Variants in CTDP1 observed in about 807,000 individuals in gnomAD.
CTDP1 encodes the protein RNA polymerase II subunit A C-terminal domain phosphatase.
CTDP1 carries 47 observed loss-of-function variants against 91.8 expected under a neutral mutation model. The ratio of observed to expected loss-of-function variants is 0.51; its 90% CI spans 0.41 to 0.65. The LOEUF is 0.65. Ranked by LOEUF, CTDP1 falls within the 30% of genes least tolerant of loss-of-function variation. The pLI is 0.00. For missense variants in CTDP1, 1,272 were observed against 1,373.7 expected (o/e 0.93, Z 1.17); for synonymous variants, 656 against 598.5 (o/e 1.10, Z -1.40).
At chr18:79,756,583 A>G (rs891289364), downstream of CTDP1, 6 of 152,264 alleles carry the variant, frequency 3.9e-5, no homozygotes, top group Non-Finnish European at 7.3e-5. Flanking sequence ...ATACTGAATA[A>G]TTATACAACT....
chr18:79,679,869 G>T lies in CTDP1; in HGVS notation c.-79G>T. ...GAGGAACTACAGCGTCGCCGCCTGG[G>T]TTGTGTCGCCGCGGTAGGCGCTGCG... On this transcript the variant is annotated 5_prime_UTR_variant, in exon 1 of 13. Coordinates refer to ENST00000613122, the MANE Select transcript of CTDP1 (RefSeq NM_004715.5). The T allele has an allele frequency of 7.9e-7, 1 of 1,270,496 alleles. No individual in the cohort carries two copies. The highest frequency in any genetic ancestry group is 1.0e-6 in the Non-Finnish European group (1 of 981,756). The allele number at this position is 1,270,496 out of a possible 1,614,324, so 78.7% of individuals were successfully genotyped here. A position where few individuals can be genotyped will look rare whatever the true frequency, so the allele number is the denominator to read the frequency against.
intron 12 of CTDP1, among the ~76,000 whole-genome samples, chr18:79,736,861 G>T (rs1050588459): frequency 2.0e-5 from 3 of 148,940 alleles, no homozygotes; most frequent in Admixed American, 2.0e-4. Flanking sequence ...ACAGGCGTGT[G>T]TGAGGTATCT....
intron 1 of CTDP1, among the ~76,000 whole-genome samples, chr18:79,688,101 C>T (rs1442097779): frequency 1.3e-5 from 2 of 152,250 alleles, no homozygotes; most frequent in South Asian, 2.1e-4. Context: ...CAGAGCCCCA[C>T]CTGTGCGTGT....
intron 12 of CTDP1, among the ~76,000 whole-genome samples, chr18:79,739,806 G>A (rs112808623): frequency 0.066 from 8,495 of 129,370 alleles, 203 homozygotes; most frequent in African/African-American, 0.12. Flanking sequence ...ACCCACGGCC[G>A]GGACGGGTGG....
intron 1 of CTDP1, chr18:79,681,494 A>G (rs1476243357): frequency 2.0e-6 from 2 of 985,310 alleles, no homozygotes; most frequent in East Asian, 2.3e-4. Flanking sequence ...GATTGTACAG[A>G]AAGGGCTGCT....
chr18:79,684,486 ACCAG>A (rs1314247916), intron 1 of CTDP1, among the ~76,000 whole-genome samples: 2 of 152,188 alleles, frequency 1.3e-5, no homozygotes, highest in Non-Finnish European at 2.9e-5. Context: ...AAGCACCAGC[ACCAG>A]CCAGGCAGGG....
At chr18:79,737,730 G>A (rs1167184335) in intron 12 of CTDP1, among the ~76,000 whole-genome samples, 7 of 152,234 alleles carry the variant, frequency 4.6e-5, no homozygotes, top group South Asian at 2.1e-4. Context: ...TTTGGGTGCC[G>A]TCTGTTGATT....
chr18:79,715,980 T>G (rs1470571812), intron 8 of CTDP1, among the ~76,000 whole-genome samples: 2 of 152,194 alleles, frequency 1.3e-5, no homozygotes, highest in Non-Finnish European at 2.9e-5. Flanking sequence ...GCCTGCTGTC[T>G]CCCGACGGTG....
chr18:79,714,363 G>A, intron 7 of CTDP1, 128 bp from the exon 8 acceptor site: 4 of 1,074,144 alleles, frequency 3.7e-6, no homozygotes, highest in South Asian at 2.7e-5. Flanking sequence ...TCACAGCAAG[G>A]TTGCCAAGGC....
intron 6 of CTDP1, among the ~76,000 whole-genome samples, chr18:79,712,432 C>T (rs1234472799): frequency 6.6e-6 from 1 of 152,186 alleles, no homozygotes; most frequent in East Asian, 1.9e-4. Context: ...CGGGCGCACA[C>T]CCCCACACCT....
intron 1 of CTDP1, among the ~76,000 whole-genome samples, chr18:79,684,974 CT>C (rs1373300648): frequency 9.5e-4 from 138 of 144,784 alleles, no homozygotes; most frequent in Non-Finnish European, 1.1e-3. Flanking sequence ...CTCTGCGGTG[CT>C]CCTTACGGGG....
intron 1 of CTDP1, chr18:79,685,701 T>G (rs1322133675): frequency 6.6e-6 from 1 of 152,166 alleles, no homozygotes; most frequent in Non-Finnish European, 1.5e-5. Context: ...GTCCCCGAAT[T>G]TATTGTTCTG....
At chr18:79,683,656 C>T (rs2085422324) in intron 1 of CTDP1, among the ~76,000 whole-genome samples, 1 of 152,260 alleles carries the variant, frequency 6.6e-6, no homozygotes, top group Non-Finnish European at 1.5e-5. Context: ...CGTTGGAATT[C>T]TGGCTTGGGC....
intron 7 of CTDP1, among the ~76,000 whole-genome samples, 167 bp from the exon 8 acceptor site, chr18:79,714,324 G>A (rs2086148186): frequency 6.6e-6 from 1 of 152,198 alleles, no homozygotes; most frequent in African/African-American, 2.4e-5. Context: ...CGCACTTCAG[G>A]TAAGGGGTGC....
Position 79,736,532 on chromosome 18 carries a change from G to A in CTDP1, c.2747+11G>A. 1 of 1,530,092 alleles carries A rather than the reference G, an allele frequency of 6.5e-7. No individual in the cohort carries two copies. The highest frequency in any genetic ancestry group is 8.8e-7 in the Non-Finnish European group (1 of 1,135,108). 94.8% of individuals were successfully genotyped at this position (1,530,092 alleles called of 1,614,324 possible). A position where few individuals can be genotyped will look rare whatever the true frequency, so the allele number is the denominator to read the frequency against. On this transcript the variant is annotated intron_variant, in intron 12 of 12. Transcript: ENST00000613122. ...GGGCCGGGGGCCCAGGTGAGTGCGGGGTCTGAGGTGGGAGGGGCCTGACAC... is the reference window on the plus strand; with the variant it reads ...GGGCCGGGGGCCCAGGTGAGTGCGGAGTCTGAGGTGGGAGGGGCCTGACAC...
Position 79,697,769 on chromosome 18 carries a change from TG to T in CTDP1, c.493-90del, listed in dbSNP as rs2085777259. On this transcript the variant is annotated intron_variant, in intron 3 of 12. Transcript: ENST00000613122. The stretch of plus-strand genomic sequence containing the variant: ...CGTGGGGGGCTGGAGGGGAACACAT[TG>T]ATATAGTTTTGTGTTTCTCGATGAA... 7.0e-6 allele frequency: 11 copies of T among 1,560,740 alleles called. No homozygotes were observed. The East Asian group carries it at 2.0e-4, about 29-fold the overall frequency.
rs115858163 is a variant in CTDP1, at chr18:79,738,351, A to G, written c.2747+1830A>G. Among the ~76,000 whole-genome samples, 756 of 152,220 alleles carry G rather than the reference A, an allele frequency of 5.0e-3. 10 individuals carry two copies. Among genetic ancestry groups the G allele is most frequent in the African/African-American group, 0.018 (729 of 41,540 alleles). ...CTCAGTACAGACTTGTGTCCCGAGG[A>G]TTTGCCCTGAGAACTTGGTCTCCAG... On this transcript the variant is annotated intron_variant, in intron 12 of 12. Coordinates refer to ENST00000613122, the MANE Select transcript of CTDP1 (RefSeq NM_004715.5).
At chr18:79,688,031 G>T (rs1248563381) in intron 1 of CTDP1, among the ~76,000 whole-genome samples, 2 of 152,216 alleles carry the variant, frequency 1.3e-5, no homozygotes, top group Non-Finnish European at 2.9e-5. Context: ...GGCTGCCCTT[G>T]TTCCTTCTTT....
At chr18:79,738,800 C>A (rs1411148184) in intron 12 of CTDP1, among the ~76,000 whole-genome samples, 2 of 152,260 alleles carry the variant, frequency 1.3e-5, no homozygotes, top group African/African-American at 4.8e-5. Flanking sequence ...AGCTTCTCTC[C>A]TGGCAACCCA....
Sources: gnomAD v4.1 joint callset for allele counts (sites outside exome capture counted in the v4.1 genomes callset) on GRCh38, gnomAD v4.1.1 for gene constraint, MANE v1.5 for transcripts, NCBI Gene and HGNC (gene_info 2026-07-23, HGNC 2026-07-21) for gene names.